The following LIPC variants were observed in gnomAD, a reference collection of about 807,000 sequenced individuals.
The protein encoded by LIPC is hepatic triacylglycerol lipase.
Under a neutral mutation model 50.7 loss-of-function variants are expected in LIPC, and 44 were observed. That is an observed-to-expected ratio of 0.87 (90% CI 0.68 to 1.11). LIPC has a LOEUF of 1.11. Among genes scored for constraint, LIPC ranks in the 50% most tolerant of loss-of-function variants. The pLI is 0.00. For missense variants in LIPC, 697 were observed against 648.2 expected, an observed-to-expected ratio of 1.08 and a Z score of -0.82; for synonymous variants, 271 against 256.4, an observed-to-expected ratio of 1.06 and a Z score of -0.54.
chr15:58,566,185 T>C (rs1894360114), intron 8 of LIPC: 1 of 985,182 alleles, frequency 1.0e-6, no homozygotes, highest in South Asian at 4.7e-5. Context: ...ATAGTGAGAG[T>C]CCAGCATTAC....
At chr15:58,493,158 C>T (rs184965041) in intron 1 of LIPC, among the ~76,000 whole-genome samples, 14 of 152,278 alleles carry the variant, frequency 9.2e-5, no homozygotes, top group African/African-American at 3.4e-4. Flanking sequence ...AGAACCCATA[C>T]CCTCATCAGT....
intron 1 of LIPC, among the ~76,000 whole-genome samples, chr15:58,506,112 C>T (rs939356676): frequency 1.5e-4 from 23 of 152,166 alleles, no homozygotes; most frequent in Non-Finnish European, 2.9e-4. Flanking sequence ...TGTTTGGGTG[C>T]CTGTAGTACC....
chr15:58,535,285 G>C (rs1362679829), intron 1 of LIPC, among the ~76,000 whole-genome samples: 1 of 152,232 alleles, frequency 6.6e-6, no homozygotes, highest in East Asian at 1.9e-4. Context: ...CCTCCAACTA[G>C]TACCTAGCCA....
chr15:58,548,612 CAGTCCCCTGTCCAAAGGGCTCAGA>C, intron 6 of LIPC, 40 bp downstream of exon 6: 1 of 1,570,986 alleles, frequency 6.4e-7, no homozygotes, highest in Non-Finnish European at 8.6e-7. Context: ...GGGCAGGATG[CAGTCCCCTGTCCAAAGGGCTCAGA>C]AGTCCCCTTG....
intron 1 of LIPC, among the ~76,000 whole-genome samples, chr15:58,471,328 T>G (rs867914642): frequency 4.4e-5 from 5 of 114,230 alleles, no homozygotes; most frequent in East Asian, 2.6e-4. Flanking sequence ...TTAGTAGAGA[T>G]GGGGGGGGGT....
chr15:58,458,193 C>T (rs1894206191), intron 1 of LIPC, among the ~76,000 whole-genome samples: 1 of 151,500 alleles, frequency 6.6e-6, no homozygotes, highest in Non-Finnish European at 1.5e-5. Flanking sequence ...AATGTAAGTC[C>T]ATATATTCTG....
At chr15:58,463,156 A>T (rs1246002375) in intron 1 of LIPC, among the ~76,000 whole-genome samples, 2 of 152,204 alleles carry the variant, frequency 1.3e-5, no homozygotes, top group Non-Finnish European at 2.9e-5. Context: ...GCACACCTGC[A>T]CGTTGGGATG....
chr15:58,553,639 C>T (rs755788249), intron 6 of LIPC, among the ~76,000 whole-genome samples: 3 of 152,214 alleles, frequency 2.0e-5, no homozygotes, highest in Admixed American at 6.5e-5. Context: ...AGCATCCAGT[C>T]TCGTGACATC....
intron 1 of LIPC, among the ~76,000 whole-genome samples, chr15:58,503,893 A>ACACACCCACACACCCACACC: frequency 6.6e-6 from 1 of 152,126 alleles, no homozygotes; most frequent in Admixed American, 6.5e-5. Context: ...ATATGTACAT[A>ACACACCCACACACCCACACC]CACACCCACA....
chr15:58,541,606 G>A (rs567165062), intron 2 of LIPC, 179 bp from the exon 3 acceptor site: 24 of 684,988 alleles, frequency 3.5e-5, no homozygotes, highest in Admixed American at 1.7e-4. Flanking sequence ...GCTAAACATC[G>A]TACAATGCCC....
intron 1 of LIPC, among the ~76,000 whole-genome samples, chr15:58,465,872 G>C (rs1468297037): frequency 1.3e-5 from 2 of 152,158 alleles, no homozygotes; most frequent in Admixed American, 6.5e-5. Context: ...GGAAACTAGG[G>C]AGACAATCAT....
intron 2 of LIPC, among the ~76,000 whole-genome samples, chr15:58,540,497 G>T (rs148420186): frequency 2.6e-3 from 401 of 152,302 alleles, no homozygotes; most frequent in African/African-American, 9.2e-3. Flanking sequence ...GAAACTAGGA[G>T]AGCCTAGATT....
chr15:58,520,113 T>G (rs549369379), intron 1 of LIPC, among the ~76,000 whole-genome samples: 625 of 32,028 alleles, frequency 0.02, 8 homozygotes, highest in Non-Finnish European at 0.031. Flanking sequence ...TTTTGGGCTG[T>G]TTTTTTTTTG....
intron 1 of LIPC, among the ~76,000 whole-genome samples, chr15:58,525,927 T>C (rs2140882999): frequency 6.6e-6 from 1 of 152,340 alleles, no homozygotes; most frequent in East Asian, 1.9e-4. Flanking sequence ...GAACCTGCTA[T>C]ATACCAGGCA....
At chr15:58,562,496 T>A (rs1894199410) in intron 7 of LIPC, among the ~76,000 whole-genome samples, 1 of 152,156 alleles carries the variant, frequency 6.6e-6, no homozygotes, top group African/African-American at 2.4e-5. Context: ...ACCCACCTGC[T>A]CACTCTGAGG....
Position 58,432,133 on chromosome 15 carries a change from C to A in LIPC, c.88+13C>A. 2 of 1,588,466 alleles carry A rather than the reference C, an allele frequency of 1.3e-6. No individual in the cohort carries two copies. Among genetic ancestry groups the A allele is most frequent in the Non-Finnish European group, 1.7e-6 (2 of 1,156,706 alleles). On this transcript the variant is annotated intron_variant, in intron 1 of 8. Transcript: ENST00000299022. ...AGCCTGAAACCAGGTAAGAGCCTGA[C>A]TTTTCTCCAGAGATGGGCATGAACT...
intron 1 of LIPC, among the ~76,000 whole-genome samples, chr15:58,460,133 G>T (rs1296746706): frequency 1.3e-5 from 2 of 152,224 alleles, no homozygotes; most frequent in African/African-American, 4.8e-5. Context: ...AATGAGCATT[G>T]TTCAAGCCGA....
chr15:58,527,277 C>G (rs1159910608), intron 1 of LIPC, among the ~76,000 whole-genome samples: 1 of 152,178 alleles, frequency 6.6e-6, no homozygotes, highest in Non-Finnish European at 1.5e-5. Context: ...AGGAAATTAA[C>G]ATGCCTAGGA....
At chr15:58,504,933 C>G (rs538930684) in intron 1 of LIPC, among the ~76,000 whole-genome samples, 1 of 152,314 alleles carries the variant, frequency 6.6e-6, no homozygotes, top group African/African-American at 2.4e-5. Context: ...TTATGTAGCA[C>G]TGGGGATGCC....
Sources: allele counts gnomAD v4.1 joint callset (sites outside exome capture counted in the v4.1 genomes callset), GRCh38; gene constraint gnomAD v4.1.1; transcripts MANE v1.5; gene names NCBI Gene and HGNC (gene_info 2026-07-23, HGNC 2026-07-21).